Variants in TRIO observed in about 807,000 individuals in gnomAD.
TRIO encodes trio Rho guanine nucleotide exchange factor.
Under a neutral mutation model 351.9 loss-of-function variants are expected in TRIO, and 58 were observed. That is an observed-to-expected ratio of 0.16 (90% CI 0.13 to 0.21). TRIO has a LOEUF of 0.21. TRIO is among the 10% of genes least tolerant of loss of function. TRIO has a pLI of 1.00. For missense variants in TRIO, 3,201 were observed against 4,027.8 expected (o/e 0.79, Z 5.56); for synonymous variants, 1,758 against 1,595.7 (o/e 1.10, Z -2.42).
At chr5:14,276,740 A>G (rs985141222) in intron 2 of TRIO, among the ~76,000 whole-genome samples, 3 of 152,252 alleles carry the variant, frequency 2.0e-5, no homozygotes, top group Non-Finnish European at 4.4e-5. Context: ...CTTTCTTGCA[A>G]GTTCTTTCTA....
Position 14,310,846 on chromosome 5 carries a change from C to T in TRIO, c.1501-5667C>T, listed in dbSNP as rs190383647. 6.6e-4 allele frequency among the ~76,000 whole-genome samples: 100 copies of T among 152,228 alleles called. 1 individual carries two copies. The highest frequency in any genetic ancestry group is 1.0e-3 in the South Asian group (5 of 4,820). On this transcript the variant is annotated intron_variant, in intron 8 of 56. Transcript: ENST00000344204. The stretch of plus-strand genomic sequence containing the variant: ...GATTACAGGTGTATGCCACCAGGCC[C>T]GGCTAATTTTTATATTTTTAGTAGA...
At chr5:14,382,120 A>G (rs1312892434) in intron 21 of TRIO, among the ~76,000 whole-genome samples, 1 of 152,212 alleles carries the variant, frequency 6.6e-6, no homozygotes, top group Non-Finnish European at 1.5e-5. Flanking sequence ...AAAATCTGAC[A>G]ATTATTTCAA....
intron 32 of TRIO, chr5:14,406,336 C>T: frequency 1.8e-6 from 1 of 567,254 alleles, no homozygotes. Context: ...TGGCAACGAT[C>T]ATATCAACTA....
intron 1 of TRIO, among the ~76,000 whole-genome samples, chr5:14,210,405 G>A (rs956740450): frequency 2.0e-4 from 31 of 152,276 alleles, no homozygotes; most frequent in Middle Eastern, 3.4e-3. Flanking sequence ...ATCCCCATGG[G>A]GACCTATTTG....
chr5:14,369,283 A>C (rs1312743829), intron 17 of TRIO, 91 bp from the exon 18 acceptor site: 2 of 1,492,312 alleles, frequency 1.3e-6, no homozygotes, highest in Non-Finnish European at 1.8e-6. Context: ...CAGCATCTTC[A>C]TCCCCAGAGC....
At chr5:14,461,340 G>A in intron 35 of TRIO, 29 bp downstream of exon 35, 2 of 1,496,094 alleles carry the variant, frequency 1.3e-6, no homozygotes, top group South Asian at 1.4e-5. Context: ...GTTGGGGCCG[G>A]CGTGGCGGGG....
intron 1 of TRIO, among the ~76,000 whole-genome samples, chr5:14,241,344 A>G (rs1009645036): frequency 6.6e-6 from 1 of 152,202 alleles, no homozygotes; most frequent in African/African-American, 2.4e-5. Context: ...GAAATGAGGT[A>G]GAAATTATGG....
chr5:14,490,872 T>C, intron 48 of TRIO: 1 of 455,990 alleles, frequency 2.2e-6, no homozygotes, highest in Non-Finnish European at 4.4e-6. Flanking sequence ...ATCTCAGTAC[T>C]CTTGGGCATT....
At chr5:14,476,869 C>G (rs1390901515) in intron 40 of TRIO, 25 bp from the exon 41 acceptor site, 4 of 1,593,926 alleles carry the variant, frequency 2.5e-6, no homozygotes, top group Middle Eastern at 1.7e-4. Context: ...GGAAATAGTT[C>G]TAATATTTTC....
At chr5:14,280,570 C>A in intron 3 of TRIO, 134 bp downstream of exon 3, 1 of 748,614 alleles carries the variant, frequency 1.3e-6, no homozygotes, top group Admixed American at 2.5e-5. Context: ...CATTATCTTT[C>A]ACCTTATTAC....
At chr5:14,259,415 T>A (rs1420289077) in intron 1 of TRIO, among the ~76,000 whole-genome samples, 1 of 152,250 alleles carries the variant, frequency 6.6e-6, no homozygotes, top group Non-Finnish European at 1.5e-5. Flanking sequence ...GAATTTCTCT[T>A]TTCTCTTTGT....
chr5:14,349,171 A>C (rs539464606), intron 11 of TRIO, among the ~76,000 whole-genome samples: 1 of 141,952 alleles, frequency 7.0e-6, no homozygotes, highest in East Asian at 2.2e-4. Flanking sequence ...GCACGTGAGC[A>C]TGTGTGTTTT....
Position 14,508,251 on chromosome 5 carries a change from T to C in TRIO, c.9123T>C (p.Ala3041=), listed in dbSNP as rs774206440. 76 of 1,613,956 alleles carry C rather than the reference T, an allele frequency of 4.7e-5. No individual in the cohort carries two copies. The highest frequency in any genetic ancestry group is 1.6e-4 in the Middle Eastern group (1 of 6,084). ...AGGACCCCGCCAAGCGTCCCTCGGCTGCGCTGGCCCTCCAGGAGCAGTGGC... is the reference window on the plus strand; with the variant it reads ...AGGACCCCGCCAAGCGTCCCTCGGCCGCGCTGGCCCTCCAGGAGCAGTGGC... ...LQEDPAKRPS[A]ALALQEQWLQ... is the part of the protein sequence containing the mutation. The change falls in exon 57 of 57, where the codon GCT becomes GCC. Residue 3041 remains alanine (A), a synonymous_variant. Transcript: ENST00000344204.
intron 3 of TRIO, among the ~76,000 whole-genome samples, chr5:14,281,437 G>T (rs1823008): frequency 1.5e-5 from 1 of 67,104 alleles, no homozygotes; most frequent in Non-Finnish European, 3.4e-5. Context: ...CCCCCCCCCC[G>T]CCCCGTGATC....
intron 33 of TRIO, among the ~76,000 whole-genome samples, chr5:14,411,696 C>T (rs1280749292): frequency 2.6e-5 from 4 of 152,166 alleles, no homozygotes; most frequent in African/African-American, 9.7e-5. Flanking sequence ...TAGTCTTGAA[C>T]TCCTAGGCTC....
At chr5:14,423,776 C>T (rs1446705195) in intron 34 of TRIO, among the ~76,000 whole-genome samples, 1 of 152,088 alleles carries the variant, frequency 6.6e-6, no homozygotes, top group African/African-American at 2.4e-5. Context: ...GACAGGAGTT[C>T]ATACCCTGTC....
chr5:14,278,603 C>G (rs1176794807), intron 2 of TRIO, among the ~76,000 whole-genome samples: 2 of 151,868 alleles, frequency 1.3e-5, no homozygotes, highest in Non-Finnish European at 2.9e-5. Flanking sequence ...TAATTTCAGT[C>G]AAGGAGATTG....
chr5:14,447,561 G>C (rs890613805), intron 34 of TRIO, among the ~76,000 whole-genome samples: 1 of 152,188 alleles, frequency 6.6e-6, no homozygotes, highest in East Asian at 1.9e-4. Context: ...GCCTGGGAGA[G>C]TCTTTTTGTG....
At chr5:14,437,848 T>C (rs1375313514) in intron 34 of TRIO, among the ~76,000 whole-genome samples, 3 of 152,152 alleles carry the variant, frequency 2.0e-5, no homozygotes, top group African/African-American at 7.2e-5. Flanking sequence ...ATTGTAATGA[T>C]TTGGTTTGGG....
Sources: allele counts gnomAD v4.1 joint callset (sites outside exome capture counted in the v4.1 genomes callset), GRCh38; gene constraint gnomAD v4.1.1; transcripts MANE v1.5; gene names NCBI Gene and HGNC (gene_info 2026-07-23, HGNC 2026-07-21).